Variants in PPM1F observed in about 807,000 individuals in gnomAD.
PPM1F encodes the protein protein phosphatase 1F.
In PPM1F, 17 loss-of-function variants were observed where a neutral mutation model predicts 35.5. That is an observed-to-expected ratio of 0.48 (90% CI 0.33 to 0.72). The LOEUF is 0.72. Ranked by LOEUF, PPM1F falls within the 30% of genes least tolerant of loss-of-function variation. PPM1F has a pLI of 0.02. For missense variants in PPM1F, 521 were observed against 613.0 expected (o/e 0.85, Z 1.59); for synonymous variants, 241 against 255.5 (o/e 0.94, Z 0.54).
At chr22:21,952,222 C>A (rs1032936426) in intron 1 of PPM1F, 1 of 152,260 alleles carries the variant, frequency 6.6e-6, no homozygotes, top group African/African-American at 2.4e-5. Flanking sequence ...GCGCCTGAGG[C>A]TCTGGCTCAC....
chr22:21,949,002 A>C (rs547450976), intron 1 of PPM1F: 1 of 152,290 alleles, frequency 6.6e-6, no homozygotes, highest in South Asian at 2.1e-4. Flanking sequence ...TCCCTCAGGG[A>C]GGGTGGCTCC....
intron 6 of PPM1F, among the ~76,000 whole-genome samples, chr22:21,926,702 AAGAGG>A (rs1297966884): frequency 6.6e-6 from 1 of 152,048 alleles, no homozygotes; most frequent in Admixed American, 6.6e-5. Flanking sequence ...CTACTGGGGG[AAGAGG>A]GCATCCCTTA....
At position 21,922,218 on chromosome 22, in the gene PPM1F, A is replaced by C. The variant is rs2070455152; in HGVS notation, c.*874T>G. The stretch of plus-strand genomic sequence containing the variant: ...AATCCTGATTTAGAAAATAAATTCA[A>C]TAATACTGCAAAAAAAGGTTCCTTG... On this transcript the variant is annotated 3_prime_UTR_variant, in exon 8 of 8. Coordinates refer to ENST00000263212, the MANE Select transcript of PPM1F (RefSeq NM_014634.4). 6.6e-6 allele frequency: 1 copy of C among 152,648 alleles called. No homozygotes were observed. Among genetic ancestry groups the C allele is most frequent in the South Asian group, 2.1e-4 (1 of 4,832 alleles). 9.5% of individuals were successfully genotyped at this position (152,648 alleles called of 1,614,324 possible). A position where few individuals can be genotyped will look rare whatever the true frequency, so the allele number is the denominator to read the frequency against.
chr22:21,939,361 C>A lies in PPM1F; in HGVS notation c.355+171G>T. On this transcript the variant is annotated intron_variant, in intron 3 of 7. Coordinates refer to ENST00000263212, the MANE Select transcript of PPM1F (RefSeq NM_014634.4). This position sits in a 1 kb window ranked among gnomAD's most constrained non-coding sequence, Gnocchi z 5.1. Reference sequence around the variant, plus strand: ...GACCTGTGGAGGGCTGTGACCGCCACCCTCCACCTCACTGGGGCCGCAAGC... The same window carrying A: ...GACCTGTGGAGGGCTGTGACCGCCAACCTCCACCTCACTGGGGCCGCAAGC... 1.2e-6 allele frequency: 1 copy of A among 854,472 alleles called. No homozygotes were observed. Among genetic ancestry groups the A allele is most frequent in the Non-Finnish European group, 1.8e-6 (1 of 558,030 alleles). The allele number at this position is 854,472 out of a possible 1,614,324, so 52.9% of individuals were successfully genotyped here.
chr22:21,939,480 T>A lies in PPM1F; in HGVS notation c.355+52A>T, dbSNP rs1229786031. The A allele has an allele frequency of 1.2e-6, 2 of 1,604,150 alleles. No individual in the cohort carries two copies. The highest frequency in any genetic ancestry group is 1.7e-6 in the Non-Finnish European group (2 of 1,174,700). ...TGGGCTTCCCACAATGTCGTCACCC[T>A]TTGTTGCCTGCTAAGCAGCCCTGGG... On this transcript the variant is annotated intron_variant, in intron 3 of 7. Coordinates refer to ENST00000263212, the MANE Select transcript of PPM1F (RefSeq NM_014634.4). This position sits in a 1 kb window ranked among gnomAD's most constrained non-coding sequence, Gnocchi z 5.1.
intron 5 of PPM1F, 90 bp downstream of exon 5, chr22:21,933,301 C>G: frequency 8.0e-7 from 1 of 1,255,388 alleles, no homozygotes; most frequent in Non-Finnish European, 1.1e-6. Context: ...CTTCCAGCAC[C>G]ACCAGCCCCT....
At chr22:21,937,165 A>G (rs1306089927) in intron 3 of PPM1F, 1 of 152,328 alleles carries the variant, frequency 6.6e-6, no homozygotes, top group African/African-American at 2.4e-5. Context: ...GGCCACACCC[A>G]AAGGACATGG....
At chr22:21,928,078 G>A (rs924449551) in intron 6 of PPM1F, among the ~76,000 whole-genome samples, 18 of 145,216 alleles carry the variant, frequency 1.2e-4, no homozygotes, top group African/African-American at 1.8e-4. Flanking sequence ...TTCGCCTCCC[G>A]ACTGCCCAGC....
rs1167568731 is a variant in PPM1F at position 21,920,844 on chromosome 22, C to CA, written c.*2247dup. ...GCAAAGAAAAGAGAAAAGCAGATGC[C>CA]AATCATTCTCTCTCTTCGTCAAGGT... On this transcript the variant is annotated 3_prime_UTR_variant, in exon 8 of 8. Coordinates refer to ENST00000263212, the MANE Select transcript of PPM1F (RefSeq NM_014634.4). 1 of 152,198 alleles carries CA rather than the reference C, an allele frequency of 6.6e-6. No individual in the cohort carries two copies. Among genetic ancestry groups the CA allele is most frequent in the Non-Finnish European group, 1.5e-5 (1 of 68,044 alleles). The allele number at this position is 152,198 out of a possible 1,614,324, so 9.4% of individuals were successfully genotyped here. A position where few individuals can be genotyped will look rare whatever the true frequency, so the allele number is the denominator to read the frequency against.
At chr22:21,923,523 C>T in intron 7 of PPM1F, 52 bp from the exon 8 acceptor site, 1 of 1,541,216 alleles carries the variant, frequency 6.5e-7, no homozygotes, top group Non-Finnish European at 8.8e-7. Context: ...TCCACAGCTT[C>T]CTCCCCACCT....
chr22:21,939,548 TTCCTCCTCGTCATCG>T lies in PPM1F; in HGVS notation c.324_338del (p.Asp108_Glu112del). 6.3e-7 allele frequency: 1 copy of T among 1,591,096 alleles called. No individual in the cohort carries two copies. The highest frequency in any genetic ancestry group is 8.6e-7 in the Non-Finnish European group (1 of 1,167,628). ...AGAACTCACAGGTCACAGGGGCCTT[TTCCTCCTCGTCATCG>T]TCCTCCTCCTCTTCTTCTTCCTCCC... On this transcript the variant is annotated inframe_deletion, in exon 3 of 8. Transcript: ENST00000263212. The surrounding 1 kb of genome is among the most constrained non-coding windows in gnomAD (Gnocchi z 5.1).
At chr22:21,947,495 G>T (rs1458297189) in intron 1 of PPM1F, 1 of 152,202 alleles carries the variant, frequency 6.6e-6, no homozygotes, top group Non-Finnish European at 1.5e-5. Context: ...ATCCTACACA[G>T]TTACTAAGCC....
rs1276701681 is a variant in PPM1F at position 21,923,292 on chromosome 22, C to T, written c.1165G>A (p.Val389Ile). 2 of 1,613,486 alleles carry T rather than the reference C, an allele frequency of 1.2e-6. No individual in the cohort carries two copies. The highest frequency in any genetic ancestry group is 1.7e-5 in the Admixed American group (1 of 60,006). ...GCCGCAGCCACCAGCTCCTCGGCGA[C>T]ACGGAGCCCGCTGCCCTGCTGCCTG... ...LTRQQGSGLR[V>I]AEELVAAARE... is the part of the protein sequence containing the mutation. The change falls in exon 8 of 8, where the codon GTC becomes ATC. Residue 389 changes from valine to isoleucine, a missense_variant. This residue lies in a region of PPM1F where 163 missense variants were observed against 169.6 expected (regional missense o/e 0.96). Coordinates refer to ENST00000263212, the MANE Select transcript of PPM1F (RefSeq NM_014634.4).
chr22:21,926,201 G>C (rs1353834936), intron 6 of PPM1F: 1 of 146,316 alleles, frequency 6.8e-6, no homozygotes. Context: ...GCACGATCTT[G>C]GCTCACTACA....
At chr22:21,927,991 T>C (rs2070541090) in intron 6 of PPM1F, among the ~76,000 whole-genome samples, 1 of 141,784 alleles carries the variant, frequency 7.1e-6, no homozygotes, top group Non-Finnish European at 1.5e-5. Context: ...TCTTGCTTTG[T>C]TGCCAAGGCT....
chr22:21,941,263 AG>A (rs2070722615), intron 2 of PPM1F: 1 of 152,340 alleles, frequency 6.6e-6, no homozygotes, highest in South Asian at 2.1e-4. Context: ...TGGGGCTTTT[AG>A]GCCTCTCTGA....
At chr22:21,924,634 G>A (rs903690388) in intron 7 of PPM1F, among the ~76,000 whole-genome samples, 4 of 148,154 alleles carry the variant, frequency 2.7e-5, no homozygotes, top group East Asian at 4.0e-4. Context: ...GCAGTGGCAC[G>A]ATCTCCGCTT....
chr22:21,951,900 G>C (rs1389825125), intron 1 of PPM1F: 1 of 152,254 alleles, frequency 6.6e-6, no homozygotes, highest in Non-Finnish European at 1.5e-5. Context: ...TCGCGTGCAG[G>C]AGGAAAAGAG....
chr22:21,928,963 C>T (rs149228674), intron 6 of PPM1F, among the ~76,000 whole-genome samples: 1 of 152,178 alleles, frequency 6.6e-6, no homozygotes, highest in African/African-American at 2.4e-5. Context: ...AGAGTGGGCA[C>T]TCAGTGTTTG....
Sources: allele counts gnomAD v4.1 joint callset (sites outside exome capture counted in the v4.1 genomes callset), GRCh38; gene constraint gnomAD v4.1.1; regional missense constraint gnomAD v4.1.1; non-coding constraint Gnocchi (gnomAD v3.1); transcripts MANE v1.5; gene names NCBI Gene and HGNC (gene_info 2026-07-23, HGNC 2026-07-21).